The following PCDHA8 variants were observed in gnomAD, a reference collection of about 807,000 sequenced individuals.
PCDHA8 encodes the protein protocadherin alpha 8, also known as protocadherin alpha-8.
A neutral mutation model predicts 61.8 loss-of-function variants in PCDHA8; 53 were observed. The ratio of observed to expected loss-of-function variants is 0.86; its 90% confidence interval spans 0.69 to 1.08. The LOEUF is 1.08. Ranked by LOEUF, PCDHA8 falls within the 50% of genes least tolerant of loss-of-function variation. The probability of loss-of-function intolerance (pLI) is 0.00; values close to 1 mark genes in which losing one functional copy is unlikely to be tolerated. For synonymous variants in PCDHA8, 618 were observed against 556.6 expected (o/e 1.11, Z -1.55); for missense variants, 1,293 against 1,245.0 (o/e 1.04, Z -0.58).
chr5:140,841,520 G>T lies in PCDHA8; in HGVS notation c.199G>T (p.Ala67Ser), dbSNP rs1777298038. The T allele has an allele frequency of 1.2e-6, 2 of 1,613,470 alleles. No individual in the cohort carries two copies. Among genetic ancestry groups the T allele is most frequent in the East Asian group, 2.2e-5 (1 of 44,890 alleles). The part of the protein sequence containing the change: ...AELVPRLFRV[A>S]SKRHRDLLEV... The stretch of plus-strand genomic sequence containing the variant: ...GCTGGTGCCGCGCCTGTTCCGGGTG[G>T]CGTCCAAAAGACACCGGGACCTTCT... The change falls in exon 1 of 4, where the codon GCG becomes TCG. Residue 67 changes from alanine (A) to serine (S), a missense_variant. Ala to Ser is a moderately conservative substitution (Grantham distance 99). Coordinates refer to ENST00000531613, the MANE Select transcript of PCDHA8 (RefSeq NM_018911.3).
At chr5:140,875,761 G>C (rs373515339) in intron 1 of PCDHA8, 4 of 1,614,118 alleles carry the variant, frequency 2.5e-6, no homozygotes, top group East Asian at 4.5e-5. Context: ...GAAGCTGTGC[G>C]GGCGGAGCGC....
At chr5:140,980,152 C>T (rs1554241475) in intron 2 of PCDHA8, among the ~76,000 whole-genome samples, 1 of 152,040 alleles carries the variant, frequency 6.6e-6, no homozygotes, top group Admixed American at 6.6e-5. Flanking sequence ...CATGCATATA[C>T]CAGAATATTA....
At chr5:140,986,005 C>G (rs912493095) in intron 3 of PCDHA8, among the ~76,000 whole-genome samples, 1 of 152,040 alleles carries the variant, frequency 6.6e-6, no homozygotes, top group African/African-American at 2.4e-5. Flanking sequence ...TCCCAAAGTG[C>G]TGGGATTACA....
At chr5:140,896,000 AG>A (rs1239259521) in intron 1 of PCDHA8, among the ~76,000 whole-genome samples, 1 of 152,064 alleles carries the variant, frequency 6.6e-6, no homozygotes, top group Non-Finnish European at 1.5e-5. Flanking sequence ...AAGTAGAGAC[AG>A]GGTTTCTCCA....
intron 1 of PCDHA8, chr5:140,966,657 G>A: frequency 1.7e-6 from 2 of 1,210,192 alleles, no homozygotes; most frequent in Admixed American, 3.9e-5. Context: ...TGAGCGGTGG[G>A]GGAGCAGGCG....
chr5:140,968,632 C>T, intron 1 of PCDHA8: 1 of 1,614,176 alleles, frequency 6.2e-7, no homozygotes, highest in Non-Finnish European at 8.5e-7. Flanking sequence ...GGCTTTTTTA[C>T]CATCTAGCCC....
At chr5:140,915,533 G>C (rs1200323853) in intron 1 of PCDHA8, among the ~76,000 whole-genome samples, 1 of 152,018 alleles carries the variant, frequency 6.6e-6, no homozygotes, top group Non-Finnish European at 1.5e-5. Flanking sequence ...GTACCATCTT[G>C]GAGGTCTTGA....
chr5:140,982,566 A>C lies in PCDHA8; in HGVS notation c.2542+3A>C. 1.2e-6 allele frequency: 2 copies of C among 1,614,088 alleles called. No individual in the cohort carries two copies. Among genetic ancestry groups the C allele is most frequent in the Non-Finnish European group, 1.7e-6 (2 of 1,179,950 alleles). ...AACAGTATCCAGTGCAACACCAGGT[A>C]AAGAGCTGGGGTCTCTCCATTCTTT... is the stretch of plus-strand genomic sequence containing the variant. On this transcript the variant is annotated splice_donor_region_variant and intron_variant, in intron 3 of 3. Transcript: ENST00000531613.
intron 1 of PCDHA8, chr5:140,968,266 G>A: frequency 6.2e-7 from 1 of 1,614,080 alleles, no homozygotes; most frequent in Non-Finnish European, 8.5e-7. Context: ...ATGAAAAGGA[G>A]AATGCAGAGG....
chr5:140,898,056 T>A (rs1330796298), intron 1 of PCDHA8, among the ~76,000 whole-genome samples: 5 of 152,202 alleles, frequency 3.3e-5, no homozygotes, highest in Admixed American at 3.3e-4. Context: ...TTCTTGTAAA[T>A]TTGTTTGAGT....
At position 140,848,431 on chromosome 5, in the gene PCDHA8, A is replaced by T; in HGVS notation, c.2394+4716A>T. On this transcript the variant is annotated intron_variant, in intron 1 of 3. Transcript: ENST00000531613. ...GAACACAGCAGAATGGGACTGACGAAATCAGATGATTTCTTCTAATTTGGA... is the reference window on the plus strand; with the variant it reads ...GAACACAGCAGAATGGGACTGACGATATCAGATGATTTCTTCTAATTTGGA... 2.7e-6 allele frequency: 4 copies of T among 1,467,178 alleles called. 2 individuals are homozygous for T. The highest frequency in any genetic ancestry group is 3.7e-6 in the Non-Finnish European group (4 of 1,073,724). 90.9% of individuals were successfully genotyped at this position (1,467,178 alleles called of 1,614,324 possible). A position where few individuals can be genotyped will look rare whatever the true frequency, so the allele number is the denominator to read the frequency against.
intron 1 of PCDHA8, chr5:140,875,175 T>G (rs1301346750): frequency 5.0e-6 from 2 of 399,086 alleles, no homozygotes; most frequent in African/African-American, 4.1e-5. Context: ...GTCGAAACAT[T>G]AGAATTAAGA....
chr5:140,997,133 C>G (rs1554255761), intron 3 of PCDHA8, among the ~76,000 whole-genome samples: 1 of 152,092 alleles, frequency 6.6e-6, no homozygotes, highest in Non-Finnish European at 1.5e-5. Flanking sequence ...ACAATGCCCC[C>G]ACACCCCCGC....
intron 1 of PCDHA8, among the ~76,000 whole-genome samples, chr5:140,922,192 T>A (rs1279791359): frequency 6.6e-6 from 1 of 152,158 alleles, no homozygotes; most frequent in East Asian, 1.9e-4. Context: ...AAAAGTCTTA[T>A]CTTTAATGAA....
At chr5:141,005,627 G>A (rs1051972778) in intron 3 of PCDHA8, among the ~76,000 whole-genome samples, 1 of 148,378 alleles carries the variant, frequency 6.7e-6, no homozygotes, top group Non-Finnish European at 1.5e-5. Flanking sequence ...GCGTGAACCC[G>A]GGAGGCGGAG....
At chr5:140,982,748 G>C (rs2097001127) in intron 3 of PCDHA8, among the ~76,000 whole-genome samples, 185 bp downstream of exon 3, 1 of 151,896 alleles carries the variant, frequency 6.6e-6, no homozygotes, top group African/African-American at 2.4e-5. Flanking sequence ...TGCTCTTCAG[G>C]AGTTGAAAAA....
intron 1 of PCDHA8, among the ~76,000 whole-genome samples, chr5:140,878,853 A>G (rs565644052): frequency 1.3e-5 from 2 of 152,352 alleles, no homozygotes; most frequent in East Asian, 3.9e-4. Context: ...TCTGGGTTCA[A>G]CTGATCCTCC....
intron 1 of PCDHA8, among the ~76,000 whole-genome samples, chr5:140,965,464 C>T (rs987279720): frequency 1.3e-5 from 2 of 151,782 alleles, no homozygotes; most frequent in Admixed American, 1.3e-4. Context: ...AAGATAAATC[C>T]CAGACTCCCA....
chr5:140,931,993 T>C (rs1350907359), intron 1 of PCDHA8, among the ~76,000 whole-genome samples: 8 of 152,090 alleles, frequency 5.3e-5, no homozygotes, highest in Admixed American at 3.3e-4. Context: ...GCTCAAATTC[T>C]AAGTTCTTTC....
Sources: gnomAD v4.1 joint callset for allele counts (sites outside exome capture counted in the v4.1 genomes callset) on GRCh38, gnomAD v4.1.1 for gene constraint, MANE v1.5 for transcripts, NCBI Gene and HGNC (gene_info 2026-07-23, HGNC 2026-07-21) for gene names.